The following CEP128 variants were observed in gnomAD, a reference collection of about 807,000 sequenced individuals.
CEP128 encodes centrosomal protein 128kDa.
In CEP128, 132 loss-of-function variants were observed where a neutral mutation model predicts 156.7. The ratio of observed to expected loss-of-function variants is 0.84; its 90% CI spans 0.73 to 0.97. The LOEUF is 0.97. CEP128 is among the 50% of genes least tolerant of loss of function. The pLI is 0.00. For missense variants in CEP128, 1,252 were observed against 1,281.9 expected (o/e 0.98, Z 0.36); for synonymous variants, 469 against 448.9 (o/e 1.04, Z -0.57).
chr14:80,840,714 T>C lies in CEP128; in HGVS notation c.817A>G (p.Lys273Glu), dbSNP rs1159012784. 1.2e-6 allele frequency: 2 copies of C among 1,610,900 alleles called. No homozygotes were observed. Among genetic ancestry groups the C allele is most frequent in the Non-Finnish European group, 8.5e-7 (1 of 1,177,918 alleles). ...TTCTCAGTTTCAGTTTGTCTTAGCT[T>C]ATTTTTTATTGCCCCCTCATGCTCA... The part of the protein sequence containing the change: ...ADEHEGAIKN[K>E]LRQTETEKNQ... Residue 273 changes from lysine to glutamate, a missense_variant, in exon 10 of 25, where the codon AAG (lysine) becomes GAG (glutamate). Lys to Glu is a moderately conservative substitution (Grantham distance 56, BLOSUM62 1). Transcript: ENST00000555265.
At chr14:80,653,794 G>A (rs565872646) in intron 19 of CEP128, among the ~76,000 whole-genome samples, 1 of 152,264 alleles carries the variant, frequency 6.6e-6, no homozygotes, top group East Asian at 1.9e-4. Context: ...TTCAAATTGT[G>A]AGATGTGACC....
intron 19 of CEP128, among the ~76,000 whole-genome samples, chr14:80,716,237 T>C (rs190712069): frequency 5.3e-4 from 81 of 152,330 alleles, no homozygotes; most frequent in African/African-American, 1.8e-3. Flanking sequence ...ACACACCATA[T>C]AATTTATCCA....
At chr14:80,544,983 A>G (rs1889921735) in intron 21 of CEP128, among the ~76,000 whole-genome samples, 2 of 152,184 alleles carry the variant, frequency 1.3e-5, no homozygotes, top group Non-Finnish European at 2.9e-5. Flanking sequence ...TACTTAAAAA[A>G]ATTTTAAAAC....
chr14:80,609,403 A>G (rs1892908540), intron 19 of CEP128, among the ~76,000 whole-genome samples: 1 of 152,164 alleles, frequency 6.6e-6, no homozygotes, highest in Admixed American at 6.5e-5. Flanking sequence ...CACTGCATGT[A>G]TATAAGGAAT....
chr14:80,478,577 T>A (rs961538222), intron 14 of CEP128, among the ~76,000 whole-genome samples: 2 of 152,198 alleles, frequency 1.3e-5, no homozygotes, highest in Non-Finnish European at 2.9e-5. Context: ...CTTGGGTAAG[T>A]TACTCAATCC....
At position 80,508,855 on chromosome 14, in the gene CEP128, C is replaced by T. The variant is rs559978321; in HGVS notation, c.3073-3835G>A. ...TACAGGCATACAGAGTGCAATAATC[C>T]TGTATTAATCTGATTTCACACTGTG... On this transcript the variant is annotated intron_variant, in intron 23 of 24. Transcript: ENST00000555265. Among the ~76,000 whole-genome samples, 48 of 152,194 alleles carry T rather than the reference C, an allele frequency of 3.2e-4. No individual in the cohort carries two copies. The South Asian group carries it at 9.9e-3, about 32-fold the overall frequency.
At chr14:80,676,287 C>T (rs1896056381) in intron 19 of CEP128, among the ~76,000 whole-genome samples, 1 of 151,802 alleles carries the variant, frequency 6.6e-6, no homozygotes, top group African/African-American at 2.4e-5. Context: ...TGGTAAATAC[C>T]TTCCATGGTA....
downstream of CEP128, chr14:80,490,377 T>A (rs998299895): frequency 1.3e-5 from 2 of 152,016 alleles, no homozygotes; most frequent in Non-Finnish European, 1.5e-5. Context: ...GAAGAAAAAA[T>A]GAAATTGCAT....
chr14:80,562,414 T>C (rs1890725742), intron 20 of CEP128, among the ~76,000 whole-genome samples: 1 of 152,146 alleles, frequency 6.6e-6, no homozygotes, highest in South Asian at 2.1e-4. Flanking sequence ...ATTACTGATT[T>C]TGTCTAAATT....
At chr14:80,872,957 A>T (rs1888101886) in intron 8 of CEP128, among the ~76,000 whole-genome samples, 1 of 152,200 alleles carries the variant, frequency 6.6e-6, no homozygotes. Context: ...ATACACACCC[A>T]TAAGAAATTT....
intron 21 of CEP128, among the ~76,000 whole-genome samples, chr14:80,537,398 A>G (rs1002243361): frequency 6.6e-6 from 1 of 152,210 alleles, no homozygotes; most frequent in Non-Finnish European, 1.5e-5. Context: ...GACAGAGGAA[A>G]TAAAAGAATC....
chr14:80,850,687 G>A (rs372573620), intron 9 of CEP128, among the ~76,000 whole-genome samples: 4 of 152,056 alleles, frequency 2.6e-5, no homozygotes, highest in Admixed American at 6.6e-5. Flanking sequence ...CTTTATTCAC[G>A]CTCACACAGC....
At chr14:80,844,603 A>G (rs1184658701) in intron 9 of CEP128, among the ~76,000 whole-genome samples, 1 of 152,158 alleles carries the variant, frequency 6.6e-6, no homozygotes, top group African/African-American at 2.4e-5. Flanking sequence ...GTAATATCCA[A>G]TATCACGTAG....
At chr14:80,815,858 A>G (rs1161140060) in intron 13 of CEP128, among the ~76,000 whole-genome samples, 2 of 152,252 alleles carry the variant, frequency 1.3e-5, no homozygotes, top group Admixed American at 1.3e-4. Flanking sequence ...GTTCTCATTT[A>G]TACGTGGAAG....
intron 19 of CEP128, among the ~76,000 whole-genome samples, chr14:80,618,374 A>G (rs1893318387): frequency 6.6e-6 from 1 of 152,266 alleles, no homozygotes; most frequent in African/African-American, 2.4e-5. Context: ...CATTCAAGAT[A>G]ATATCAACAC....
chr14:80,866,213 C>T (rs1049027046), intron 8 of CEP128, among the ~76,000 whole-genome samples: 1 of 152,046 alleles, frequency 6.6e-6, no homozygotes. Flanking sequence ...CCAGGCCCAT[C>T]CCAACACCAG....
chr14:80,761,365 T>C lies in CEP128; in HGVS notation c.2553+72A>G, dbSNP rs1899957732. 4 of 1,179,738 alleles carry C rather than the reference T, an allele frequency of 3.4e-6. No homozygotes were observed. In the East Asian group the frequency reaches 9.6e-5, roughly 28 times the overall value. 73.1% of individuals were successfully genotyped at this position (1,179,738 alleles called of 1,614,324 possible). On this transcript the variant is annotated intron_variant, in intron 17 of 24. Coordinates refer to ENST00000555265, the MANE Select transcript of CEP128 (RefSeq NM_152446.5). ...ATAATAATAATCTGACTACCACACA[T>C]GAAAATCCTATTACAATTATATATT...
chr14:80,682,890 T>C (rs1896378197), intron 19 of CEP128, among the ~76,000 whole-genome samples: 1 of 152,024 alleles, frequency 6.6e-6, no homozygotes, highest in Non-Finnish European at 1.5e-5. Context: ...GACAATCAAG[T>C]GCTAAGGGAA....
At chr14:80,690,822 A>C (rs1896697477) in intron 19 of CEP128, among the ~76,000 whole-genome samples, 1 of 152,198 alleles carries the variant, frequency 6.6e-6, no homozygotes, top group Admixed American at 6.5e-5. Context: ...AAAAATCCTA[A>C]ATATGATGAT....
Sources: allele counts gnomAD v4.1 joint callset (sites outside exome capture counted in the v4.1 genomes callset), GRCh38; gene constraint gnomAD v4.1.1; transcripts MANE v1.5; gene names NCBI Gene and HGNC (gene_info 2026-07-23, HGNC 2026-07-21).